GREB1: variants seen among roughly 807,000 people sequenced by gnomAD.
The protein encoded by GREB1 is growth regulating estrogen receptor binding 1, also known as protein GREB1.
GREB1 carries 106 observed loss-of-function variants against 200.7 expected under a neutral mutation model. The observed-to-expected ratio is 0.53, with a 90% confidence interval of 0.45 to 0.62. The LOEUF is 0.62. GREB1 is among the 20% of genes least tolerant of loss of function. GREB1 has a pLI of 0.00. For synonymous variants in GREB1, 1,132 were observed against 1,092.4 expected (o/e 1.04, Z -0.72); for missense variants, 2,243 against 2,556.8 (o/e 0.88, Z 2.65).
In GREB1 at chr2:11,580,925, A is replaced by G. The variant is rs1437055494; in HGVS notation, c.901+93A>G. The G allele has an allele frequency of 6.8e-7, 1 of 1,477,448 alleles. No individual in the cohort carries two copies. Among genetic ancestry groups the G allele is most frequent in the Admixed American group, 1.8e-5 (1 of 55,498 alleles). The allele number at this position is 1,477,448 out of a possible 1,614,324, so 91.5% of individuals were successfully genotyped here. ...GGGAGCTGCTGGGCTGGGGCCGCTG[A>G]GCCTCCTGGAGTCTGATGTGGCTTC... On this transcript the variant is annotated intron_variant, in intron 7 of 32. Coordinates refer to ENST00000381486, the MANE Select transcript of GREB1 (RefSeq NM_014668.4). This position sits in a 1 kb window ranked among gnomAD's most constrained non-coding sequence, Gnocchi z 4.5.
At chr2:11,497,971 CTTTTTTTTTTTTTTTT>C (rs70955803) in intron 1 of GREB1, among the ~76,000 whole-genome samples, 1,137 of 40,514 alleles carry the variant, frequency 0.028, 14 homozygotes, top group African/African-American at 0.036. Context: ...CAGAGCAAAA[CTTTTTTTTTTTTTTTT>C]TTTTTTTTTT....
rs145714762 is a variant in GREB1 at position 11,605,303 on chromosome 2, G to A, written c.2666+2761G>A. On this transcript the variant is annotated intron_variant, in intron 17 of 32. Transcript: ENST00000381486. The stretch of plus-strand genomic sequence containing the variant: ...TGCAACGGCGCGATCTCAGCTCACT[G>A]CAACCTCTGCCTCCCAGGTTCAAGC... 5.0e-3 allele frequency among the ~76,000 whole-genome samples: 754 copies of A among 151,304 alleles called. 8 individuals carry two copies. Among genetic ancestry groups the A allele is most frequent in the Non-Finnish European group, 5.0e-3 (339 of 67,842 alleles).
chr2:11,581,681 C>T (rs571700937), intron 7 of GREB1, among the ~76,000 whole-genome samples: 18 of 152,320 alleles, frequency 1.2e-4, no homozygotes, highest in African/African-American at 4.1e-4. Flanking sequence ...TCTCGTCTTT[C>T]TTTCCTCCAT....
At chr2:11,584,103 C>G (rs1679809877) in intron 7 of GREB1, among the ~76,000 whole-genome samples, 1 of 152,058 alleles carries the variant, frequency 6.6e-6, no homozygotes, top group South Asian at 2.1e-4. Flanking sequence ...GGGTCCTGCT[C>G]CCATGCTGGG....
chr2:11,601,339 T>A (rs1423397928), intron 16 of GREB1, among the ~76,000 whole-genome samples: 1 of 152,200 alleles, frequency 6.6e-6, no homozygotes, highest in Non-Finnish European at 1.5e-5. Flanking sequence ...TTGGGCTCCA[T>A]ACAGAGCAAC....
chr2:11,597,705 C>G lies in GREB1; in HGVS notation c.1955-76C>G. The G allele has an allele frequency of 7.4e-7, 1 of 1,351,818 alleles. No homozygotes were observed. Among genetic ancestry groups the G allele is most frequent in the Non-Finnish European group, 1.1e-6 (1 of 943,116 alleles). 83.7% of individuals were successfully genotyped at this position (1,351,818 alleles called of 1,614,324 possible). A position where few individuals can be genotyped will look rare whatever the true frequency, so the allele number is the denominator to read the frequency against. On this transcript the variant is annotated intron_variant, in intron 13 of 32. Coordinates refer to ENST00000381486, the MANE Select transcript of GREB1 (RefSeq NM_014668.4). The surrounding 1 kb of genome is among the most constrained non-coding windows in gnomAD (Gnocchi z 4.1). Reference sequence around the variant, plus strand: ...GGCCGTCTCCCCTGGACAGGTCTCACTGATTCTCTGGCCAAGGGCCTGGCA... The same window carrying G: ...GGCCGTCTCCCCTGGACAGGTCTCAGTGATTCTCTGGCCAAGGGCCTGGCA...
intron 1 of GREB1, among the ~76,000 whole-genome samples, chr2:11,554,391 C>T (rs762096099): frequency 6.6e-6 from 1 of 152,178 alleles, no homozygotes; most frequent in East Asian, 1.9e-4. Flanking sequence ...GGGAAATCAA[C>T]GTGACTCTAC....
intron 24 of GREB1, 132 bp downstream of exon 24, chr2:11,625,444 G>C (rs1684368153): frequency 1.3e-6 from 1 of 795,392 alleles, no homozygotes; most frequent in Non-Finnish European, 2.1e-6. Context: ...ACAGAACTGA[G>C]GTCACCACCT....
At chr2:11,551,769 G>A (rs993843311) in intron 1 of GREB1, among the ~76,000 whole-genome samples, 2 of 152,126 alleles carry the variant, frequency 1.3e-5, no homozygotes, top group African/African-American at 2.4e-5. Flanking sequence ...TCCCGGTCAT[G>A]GAACCAAGAA....
intron 1 of GREB1, among the ~76,000 whole-genome samples, chr2:11,494,478 G>T (rs944220269): frequency 6.6e-6 from 1 of 152,240 alleles, no homozygotes; most frequent in Non-Finnish European, 1.5e-5. Context: ...GCATTGCTGT[G>T]GACACTGCTC....
Position 11,629,848 on chromosome 2 carries a change from G to A in GREB1, c.4450-100G>A. 1 of 1,180,268 alleles carries A rather than the reference G, an allele frequency of 8.5e-7. No homozygotes were observed. The highest frequency in any genetic ancestry group is 1.5e-5 in the African/African-American group (1 of 66,470). 73.1% of individuals were successfully genotyped at this position (1,180,268 alleles called of 1,614,324 possible). A position where few individuals can be genotyped will look rare whatever the true frequency, so the allele number is the denominator to read the frequency against. On this transcript the variant is annotated intron_variant, in intron 25 of 32. Coordinates refer to ENST00000381486, the MANE Select transcript of GREB1 (RefSeq NM_014668.4). This position sits in a 1 kb window ranked among gnomAD's most constrained non-coding sequence, Gnocchi z 5.2. ...GTTTCTTGTGCTGTAGGGAAGTGGTGACTGTGAGCTGCACGTTGTCACAGC... is the reference window on the plus strand; with the variant it reads ...GTTTCTTGTGCTGTAGGGAAGTGGTAACTGTGAGCTGCACGTTGTCACAGC...
chr2:11,595,547 G>T (rs1363491692), intron 12 of GREB1, among the ~76,000 whole-genome samples, 168 bp downstream of exon 12: 1 of 152,176 alleles, frequency 6.6e-6, no homozygotes, highest in Non-Finnish European at 1.5e-5. Context: ...CTTTTCTTGA[G>T]TGACAGCTGC....
At chr2:11,618,998 G>T in intron 22 of GREB1, 79 bp downstream of exon 22, 3 of 1,292,982 alleles carry the variant, frequency 2.3e-6, no homozygotes, top group Non-Finnish European at 2.1e-6. Flanking sequence ...AGGCCTGGGG[G>T]TGACCGCACC....
At chr2:11,541,833 G>A (rs532138091) in intron 1 of GREB1, among the ~76,000 whole-genome samples, 1 of 152,284 alleles carries the variant, frequency 6.6e-6, no homozygotes, top group African/African-American at 2.4e-5. Context: ...GGAAGGACCT[G>A]TGTTGCCCAG....
intron 9 of GREB1, chr2:11,588,417 G>A: frequency 2.0e-6 from 1 of 506,938 alleles, no homozygotes; most frequent in Non-Finnish European, 3.2e-6. Context: ...TCCCATTGGT[G>A]GTGCTGGAGG....
Position 11,619,476 on chromosome 2 carries a change from A to G in GREB1, c.4044+557A>G, listed in dbSNP as rs556141142. Reference sequence around the variant, plus strand: ...GGGGCTGGGATGCGGTTCAGTATCCATTTGTTTCTTAAACTTGTAGAATGA... The same window carrying G: ...GGGGCTGGGATGCGGTTCAGTATCCGTTTGTTTCTTAAACTTGTAGAATGA... On this transcript the variant is annotated intron_variant, in intron 22 of 32. Transcript: ENST00000381486. Among the ~76,000 whole-genome samples the G allele has an allele frequency of 3.3e-5, 5 of 152,326 alleles. No homozygotes were observed. In the South Asian group the frequency reaches 1.0e-3, roughly 32 times the overall value.
At chr2:11,485,801 C>T (rs1053713513) in intron 1 of GREB1, among the ~76,000 whole-genome samples, 21 of 152,138 alleles carry the variant, frequency 1.4e-4, no homozygotes, top group African/African-American at 5.1e-4. Context: ...ACTGTGTTCA[C>T]TTTGGGGATT....
chr2:11,616,736 C>A lies in GREB1; in HGVS notation c.3412+16C>A. On this transcript the variant is annotated intron_variant, in intron 21 of 32. Transcript: ENST00000381486. ...AAGGCTTCCGGTGAGTCTTCCCACA[C>A]GGGAAGGACCAGACCAGCAGACTGA... The A allele has an allele frequency of 6.7e-7, 1 of 1,495,404 alleles. No individual in the cohort carries two copies. The highest frequency in any genetic ancestry group is 9.3e-7 in the Non-Finnish European group (1 of 1,071,624). 92.6% of individuals were successfully genotyped at this position (1,495,404 alleles called of 1,614,324 possible). A position where few individuals can be genotyped will look rare whatever the true frequency, so the allele number is the denominator to read the frequency against.
At chr2:11,525,849 A>G (rs1456531075) in intron 1 of GREB1, among the ~76,000 whole-genome samples, 1 of 151,942 alleles carries the variant, frequency 6.6e-6, no homozygotes, top group Non-Finnish European at 1.5e-5. Context: ...TCCTGCCTGG[A>G]CTCTCAGCAT....
Sources: gnomAD v4.1 joint callset for allele counts (sites outside exome capture counted in the v4.1 genomes callset) on GRCh38, gnomAD v4.1.1 for gene constraint, Gnocchi (gnomAD v3.1) non-coding constraint, MANE v1.5 for transcripts, NCBI Gene and HGNC (gene_info 2026-07-23, HGNC 2026-07-21) for gene names.